The following RIC1 variants were observed in gnomAD, a reference collection of about 807,000 sequenced individuals.
RIC1 encodes the protein RIC1 partner of RAB6A GEF complex.
In RIC1, 88 loss-of-function variants were observed where a neutral mutation model predicts 169.0. The ratio of observed to expected loss-of-function variants is 0.52; its 90% CI spans 0.44 to 0.62. The LOEUF (loss-of-function observed/expected upper bound fraction) is 0.62. Ranked by LOEUF, RIC1 falls within the 20% of genes least tolerant of loss-of-function variation. The probability of loss-of-function intolerance (pLI) is 0.00; values close to 1 mark genes in which losing one functional copy is unlikely to be tolerated. For missense variants in RIC1, 1,877 were observed against 1,725.5 expected (o/e 1.09, Z -1.56); for synonymous variants, 790 against 601.5 (o/e 1.31, Z -4.59).
chr9:5,663,134 G>A (rs979725928), intron 2 of RIC1, among the ~76,000 whole-genome samples: 1 of 152,130 alleles, frequency 6.6e-6, no homozygotes. Flanking sequence ...GTAGTTGTGT[G>A]GTTTTGAGTG....
intron 3 of RIC1, among the ~76,000 whole-genome samples, chr9:5,709,382 G>C (rs74828494): frequency 2.1e-3 from 323 of 152,224 alleles, no homozygotes; most frequent in Admixed American, 5.0e-3. Flanking sequence ...ATTTTCAGTT[G>C]CTTAGAGCCT....
chr9:5,740,785 G>A (rs896124116), intron 8 of RIC1, among the ~76,000 whole-genome samples: 11 of 151,988 alleles, frequency 7.2e-5, no homozygotes, highest in African/African-American at 2.4e-4. Context: ...AATCTCCTTT[G>A]GCAGCACCCT....
At chr9:5,676,750 G>C (rs1189667989) in intron 2 of RIC1, among the ~76,000 whole-genome samples, 1 of 152,138 alleles carries the variant, frequency 6.6e-6, no homozygotes, top group African/African-American at 2.4e-5. Flanking sequence ...TCTGCTTTTT[G>C]TCACTGCCAA....
At chr9:5,690,143 C>G (rs537360768) in intron 3 of RIC1, 105 bp downstream of exon 3, 10 of 615,988 alleles carry the variant, frequency 1.6e-5, no homozygotes, top group East Asian at 1.6e-4. Context: ...TAAAACTAAA[C>G]CAGCATTTCC....
intron 1 of RIC1, among the ~76,000 whole-genome samples, chr9:5,638,589 A>G (rs1818086615): frequency 6.6e-6 from 1 of 152,164 alleles, no homozygotes; most frequent in Non-Finnish European, 1.5e-5. Flanking sequence ...CTAGGGATTT[A>G]TCCATTTCCT....
chr9:5,737,074 ATT>A (rs1036952771), intron 7 of RIC1, among the ~76,000 whole-genome samples: 2 of 152,154 alleles, frequency 1.3e-5, no homozygotes, highest in African/African-American at 4.8e-5. Context: ...CTTTAAGAAC[ATT>A]TGTTTCTCTT....
intron 2 of RIC1, 94 bp downstream of exon 2, chr9:5,656,784 T>G: frequency 1.4e-6 from 1 of 725,604 alleles, no homozygotes; most frequent in Non-Finnish European, 2.4e-6. Flanking sequence ...TTCAGTCTTT[T>G]GCACTCATAA....
Position 5,769,133 on chromosome 9 carries a change from G to C in RIC1, c.3301G>C (p.Ala1101Pro), listed in dbSNP as rs766113982. 13 of 1,613,982 alleles carry C rather than the reference G, an allele frequency of 8.1e-6. No individual in the cohort carries two copies. The highest frequency in any genetic ancestry group is 1.1e-5 in the Non-Finnish European group (13 of 1,179,986). Reference protein sequence around the residue: ...ISWLCKERTRAARVDNFVIAL... With the variant: ...ISWLCKERTRPARVDNFVIAL... ...TTGGCTATGCAAGGAACGTACCCGAGCCGCCCGGGTAGACAACTTTGTAAT... is the reference window on the plus strand; with the variant it reads ...TTGGCTATGCAAGGAACGTACCCGACCCGCCCGGGTAGACAACTTTGTAAT... Residue 1101 changes from alanine to proline, a missense_variant, in exon 22 of 26, where the codon GCC (alanine) becomes CCC (proline). Ala to Pro is a conservative substitution (Grantham distance 27, BLOSUM62 -1). Coordinates refer to ENST00000414202, the MANE Select transcript of RIC1 (RefSeq NM_020829.4).
chr9:5,725,925 G>C (rs937723634), intron 6 of RIC1, among the ~76,000 whole-genome samples: 1 of 152,194 alleles, frequency 6.6e-6, no homozygotes, highest in Non-Finnish European at 1.5e-5. Context: ...CTGAGAGACA[G>C]TTGGTTATAA....
rs532217616 is a variant in RIC1 at position 5,679,591 on chromosome 9, T to A, written c.253-10368T>A. 6.6e-5 allele frequency among the ~76,000 whole-genome samples: 10 copies of A among 152,288 alleles called. No homozygotes were observed. The South Asian group carries it at 2.1e-3, about 32-fold the overall frequency. ...AGTTGGATTCCTAGGTATTTTATTC[T>A]CTTTGAAGCAATTGTGAATGGGAGT... On this transcript the variant is annotated intron_variant, in intron 2 of 25. Transcript: ENST00000414202.
At chr9:5,650,944 C>T (rs1266944691) in intron 1 of RIC1, among the ~76,000 whole-genome samples, 2 of 152,134 alleles carry the variant, frequency 1.3e-5, no homozygotes, top group Admixed American at 6.5e-5. Context: ...TGTGGAAATG[C>T]AGGGACTCTT....
chr9:5,683,780 G>T (rs1454250151), intron 2 of RIC1, among the ~76,000 whole-genome samples: 1 of 152,242 alleles, frequency 6.6e-6, no homozygotes, highest in African/African-American at 2.4e-5. Context: ...TCCTTGAGCT[G>T]TGGTGGGCTC....
intron 3 of RIC1, among the ~76,000 whole-genome samples, chr9:5,691,013 A>G (rs1821562661): frequency 6.6e-6 from 1 of 151,958 alleles, no homozygotes; most frequent in South Asian, 2.1e-4. Flanking sequence ...ATAATTAAAG[A>G]ATTATTACTG....
intron 6 of RIC1, among the ~76,000 whole-genome samples, chr9:5,731,697 A>T (rs1007833337): frequency 3.9e-5 from 6 of 152,162 alleles, no homozygotes; most frequent in African/African-American, 4.8e-5. Flanking sequence ...GCTTACTAAT[A>T]ATGTCATTTA....
intron 4 of RIC1, among the ~76,000 whole-genome samples, chr9:5,716,587 A>G (rs2025311): frequency 0.45 from 68,648 of 152,062 alleles, 16,530 homozygotes; most frequent in East Asian, 0.88. Context: ...CACTCCAGCC[A>G]GGGCAACAGA....
intron 12 of RIC1, among the ~76,000 whole-genome samples, chr9:5,751,341 C>T (rs1227403209): frequency 6.6e-6 from 1 of 151,776 alleles, no homozygotes; most frequent in Non-Finnish European, 1.5e-5. Flanking sequence ...TTTTACCCAT[C>T]ATAGTGATCT....
chr9:5,700,180 G>C (rs866240447), intron 3 of RIC1, among the ~76,000 whole-genome samples: 2 of 152,080 alleles, frequency 1.3e-5, no homozygotes, highest in East Asian at 1.9e-4. Context: ...CCAATACTGA[G>C]CTGGGAATGA....
chr9:5,769,401 G>A (rs1296709897), intron 22 of RIC1, 145 bp downstream of exon 22: 1 of 1,576,346 alleles, frequency 6.3e-7, no homozygotes, highest in South Asian at 1.1e-5. Flanking sequence ...TACATGAGTT[G>A]GAATGCCCAC....
At position 5,720,598 on chromosome 9, in the gene RIC1, T is replaced by C; in HGVS notation, c.584-16T>C. ...ATATTCTTAATCCTATTTCATGTGC[T>C]TATTTTTTTCATCAGTAGGTTCATT... is the stretch of plus-strand genomic sequence containing the variant. On this transcript the variant is annotated splice_polypyrimidine_tract_variant and intron_variant, in intron 5 of 25. Transcript: ENST00000414202. 1 of 1,574,720 alleles carries C rather than the reference T, an allele frequency of 6.4e-7. No homozygotes were observed. Among genetic ancestry groups the C allele is most frequent in the South Asian group, 1.2e-5 (1 of 84,028 alleles).
Sources: gnomAD v4.1 joint callset for allele counts (sites outside exome capture counted in the v4.1 genomes callset) on GRCh38, gnomAD v4.1.1 for gene constraint, MANE v1.5 for transcripts, NCBI Gene and HGNC (gene_info 2026-07-23, HGNC 2026-07-21) for gene names.